MARCHF2: variants seen among roughly 807,000 people sequenced by gnomAD.
MARCHF2 encodes membrane associated ring-CH-type finger 2, also known as E3 ubiquitin-protein ligase MARCHF2.
A neutral mutation model predicts 24.0 loss-of-function variants in MARCHF2; 22 were observed. The ratio of observed to expected loss-of-function variants is 0.92; its 90% CI spans 0.66 to 1.31. The LOEUF is 1.31. Among genes scored for constraint, MARCHF2 ranks in the 50% most tolerant of loss-of-function variants. The pLI, the probability that MARCHF2 is intolerant of heterozygous loss-of-function variation, is 0.00. For missense variants in MARCHF2, 301 were observed against 335.3 expected, an observed-to-expected ratio of 0.90 and a Z score of 0.80; for synonymous variants, 154 against 153.0, an observed-to-expected ratio of 1.01 and a Z score of -0.05.
At chr19:8,435,318 A>G (rs1967686643) in intron 4 of MARCHF2, among the ~76,000 whole-genome samples, 1 of 151,486 alleles carries the variant, frequency 6.6e-6, no homozygotes, top group Non-Finnish European at 1.5e-5. Flanking sequence ...ACACTAGGCC[A>G]TTTTTAAATT....
chr19:8,413,408 G>A lies in MARCHF2; in HGVS notation c.-65G>A, dbSNP rs1365065077. ...AGGGGCCTGTGCGGCCGCCCGGCCCGGCCGCGGATCAGGTAGGCACGGGCC... is the reference window on the plus strand; with the variant it reads ...AGGGGCCTGTGCGGCCGCCCGGCCCAGCCGCGGATCAGGTAGGCACGGGCC... On this transcript the variant is annotated 5_prime_UTR_variant, in exon 1 of 5. Coordinates refer to ENST00000215555, the MANE Select transcript of MARCHF2 (RefSeq NM_001005415.2). 2 of 151,814 alleles carry A rather than the reference G, an allele frequency of 1.3e-5. No individual in the cohort carries two copies. Among genetic ancestry groups the A allele is most frequent in the East Asian group, 3.9e-4 (2 of 5,174 alleles). 9.4% of individuals were successfully genotyped at this position (151,814 alleles called of 1,614,324 possible).
chr19:8,414,466 A>C (rs986921213), intron 1 of MARCHF2, among the ~76,000 whole-genome samples: 1 of 152,072 alleles, frequency 6.6e-6, no homozygotes, highest in South Asian at 2.1e-4. Flanking sequence ...ACGGGGTTTC[A>C]CCATGTTGAC....
chr19:8,422,379 T>G (rs988152754), intron 2 of MARCHF2, among the ~76,000 whole-genome samples: 1 of 151,984 alleles, frequency 6.6e-6, no homozygotes, highest in East Asian at 1.9e-4. Flanking sequence ...CTGGGACAAA[T>G]TACTTCACCA....
chr19:8,424,321 A>C (rs1158892026), intron 2 of MARCHF2, among the ~76,000 whole-genome samples: 1 of 152,138 alleles, frequency 6.6e-6, no homozygotes, highest in Non-Finnish European at 1.5e-5. Flanking sequence ...CTCAGGTAGC[A>C]CGGGCTTCAG....
intron 2 of MARCHF2, among the ~76,000 whole-genome samples, chr19:8,424,420 C>A (rs1599706988): frequency 1.3e-5 from 2 of 152,254 alleles, no homozygotes; most frequent in South Asian, 4.1e-4. Context: ...GTAATCCCAG[C>A]ACTTTGGGAG....
Position 8,438,381 on chromosome 19 carries a change from C to T in MARCHF2, c.583-7C>T. On this transcript the variant is annotated splice_region_variant and splice_polypyrimidine_tract_variant and intron_variant, in intron 4 of 4. Coordinates refer to ENST00000215555, the MANE Select transcript of MARCHF2 (RefSeq NM_001005415.2). ...AGGCCTCCGCTCACTGCAGGGCTGC[C>T]CCACAGGTCTCCTTCCGCTACCACT... is the stretch of plus-strand genomic sequence containing the variant. 1 of 1,613,092 alleles carries T rather than the reference C, an allele frequency of 6.2e-7. No individual in the cohort carries two copies. The highest frequency in any genetic ancestry group is 8.5e-7 in the Non-Finnish European group (1 of 1,180,018).
At chr19:8,418,077 A>T (rs961165963) in intron 1 of MARCHF2, among the ~76,000 whole-genome samples, 3 of 150,928 alleles carry the variant, frequency 2.0e-5, no homozygotes, top group African/African-American at 7.3e-5. Context: ...ACCCTGTCTT[A>T]AAAAAAAAGA....
chr19:8,425,619 AT>A (rs199582202), intron 2 of MARCHF2, among the ~76,000 whole-genome samples: 11,298 of 136,000 alleles, frequency 0.083, 998 homozygotes, highest in African/African-American at 0.23. Context: ...GTCCTTGAGG[AT>A]TTTTTTTTTT....
intron 1 of MARCHF2, among the ~76,000 whole-genome samples, chr19:8,419,152 G>A (rs1372244556): frequency 6.6e-6 from 1 of 151,700 alleles, no homozygotes; most frequent in Non-Finnish European, 1.5e-5. Flanking sequence ...CCTGAGGTCA[G>A]GAGTTTGAGA....
At chr19:8,436,565 G>A (rs1471637792) in intron 4 of MARCHF2, among the ~76,000 whole-genome samples, 1 of 151,770 alleles carries the variant, frequency 6.6e-6, no homozygotes, top group Non-Finnish European at 1.5e-5. Flanking sequence ...CCATGGTTTA[G>A]CCTTTTCCAG....
At chr19:8,421,760 C>A in intron 1 of MARCHF2, 29 bp from the exon 2 acceptor site, 1 of 1,357,794 alleles carries the variant, frequency 7.4e-7, no homozygotes, top group Non-Finnish European at 1.0e-6. Context: ...TTAACCTTGC[C>A]CCTAACCTCC....
intron 2 of MARCHF2, among the ~76,000 whole-genome samples, chr19:8,422,329 C>T (rs1294783224): frequency 6.6e-6 from 1 of 151,982 alleles, no homozygotes; most frequent in African/African-American, 2.4e-5. Context: ...GTGCCTCGGC[C>T]CTGACCCTGA....
At chr19:8,422,444 G>A (rs1967273094) in intron 2 of MARCHF2, among the ~76,000 whole-genome samples, 1 of 151,884 alleles carries the variant, frequency 6.6e-6, no homozygotes, top group South Asian at 2.1e-4. Context: ...CCAGGCTGGA[G>A]TGCAGTGGCG....
chr19:8,424,523 C>T (rs1489785587), intron 2 of MARCHF2, among the ~76,000 whole-genome samples: 4 of 151,944 alleles, frequency 2.6e-5, no homozygotes, highest in Admixed American at 6.6e-5. Flanking sequence ...AAAAATTAGC[C>T]GGGCGTGGTG....
chr19:8,417,870 C>T (rs1182495764), intron 1 of MARCHF2, among the ~76,000 whole-genome samples: 1 of 145,382 alleles, frequency 6.9e-6, no homozygotes, highest in Non-Finnish European at 1.5e-5. Context: ...TCAAGTGATT[C>T]TCCTGTCTCA....
chr19:8,415,734 A>AAG, intron 1 of MARCHF2, among the ~76,000 whole-genome samples: 1 of 101,882 alleles, frequency 9.8e-6, no homozygotes, highest in South Asian at 3.4e-4. Context: ...AAAAAAAAAA[A>AAG]CAAAAAAAAC....
chr19:8,428,563 T>A (rs1342154484), intron 3 of MARCHF2, among the ~76,000 whole-genome samples: 1 of 134,552 alleles, frequency 7.4e-6, no homozygotes, highest in East Asian at 2.2e-4. Context: ...GGCAGGAGAA[T>A]CACTTAAAGC....
chr19:8,415,721 C>CAAAAAAAAAAA lies in MARCHF2; in HGVS notation c.-53+2304_-53+2314dup, dbSNP rs1309501077. 7.8e-3 allele frequency among the ~76,000 whole-genome samples: 138 copies of CAAAAAAAAAAA among 17,748 alleles called. 9 individuals carry two copies. Among genetic ancestry groups the CAAAAAAAAAAA allele is most frequent in the Non-Finnish European group, 0.011 (97 of 8,788 alleles). The allele number at this position is 17,748 out of a possible 152,430, so 11.6% of individuals were successfully genotyped here. On this transcript the variant is annotated intron_variant, in intron 1 of 4. Coordinates refer to ENST00000215555, the MANE Select transcript of MARCHF2 (RefSeq NM_001005415.2). ...GGGCAACAAGAGTGAAACTCCATCT[C>CAAAAAAAAAAA]AAAAAAAAAAAAACAAAAAAAACAA...
At position 8,415,745 on chromosome 19, in the gene MARCHF2, A is replaced by AAAAAAAAAAAAAAAC. The variant is rs1568233711; in HGVS notation, c.-53+2335_-53+2336insAAAACAAAAAAAAAA. 7.0e-4 allele frequency among the ~76,000 whole-genome samples: 38 copies of AAAAAAAAAAAAAAAC among 53,996 alleles called. 2 individuals carry two copies. Among genetic ancestry groups the AAAAAAAAAAAAAAAC allele is most frequent in the Admixed American group, 9.5e-4 (4 of 4,206 alleles). The allele number at this position is 53,996 out of a possible 152,430, so 35.4% of individuals were successfully genotyped here. On this transcript the variant is annotated intron_variant, in intron 1 of 4. Coordinates refer to ENST00000215555, the MANE Select transcript of MARCHF2 (RefSeq NM_001005415.2). The stretch of plus-strand genomic sequence containing the variant: ...TCAAAAAAAAAAAAACAAAAAAAAC[A>AAAAAAAAAAAAAAAC]AAAAAAAAAACCAGACAAAAGAAAG...
Sources: allele counts gnomAD v4.1 joint callset (sites outside exome capture counted in the v4.1 genomes callset), GRCh38; gene constraint gnomAD v4.1.1; transcripts MANE v1.5; gene names NCBI Gene and HGNC (gene_info 2026-07-23, HGNC 2026-07-21).